CCDC3: variants seen among roughly 807,000 people sequenced by gnomAD.
CCDC3 encodes the protein coiled-coil domain containing 3.
CCDC3 carries 24 observed loss-of-function variants against 21.4 expected under a neutral mutation model. The observed-to-expected ratio is 1.12, with a 90% CI of 0.81 to 1.58. The LOEUF (loss-of-function observed/expected upper bound fraction) is 1.58, where lower values mean the gene tolerates loss of function less well. Ranked by LOEUF, CCDC3 falls within the 40% of genes most tolerant of loss-of-function variation. The pLI, the probability that CCDC3 is intolerant of heterozygous loss-of-function variation, is 0.00. For missense variants in CCDC3, 425 were observed against 360.9 expected, an observed-to-expected ratio of 1.18 and a Z score of -1.44; for synonymous variants, 186 against 166.0, an observed-to-expected ratio of 1.12 and a Z score of -0.93.
chr10:13,030,366 G>A (rs765462136), intron 5 of CCDC3, among the ~76,000 whole-genome samples: 2 of 152,068 alleles, frequency 1.3e-5, no homozygotes, highest in South Asian at 2.1e-4. Context: ...AGGAACAACC[G>A]GTACCACCCA....
chr10:12,957,487 T>C (rs1337734381), intron 2 of CCDC3, among the ~76,000 whole-genome samples: 2 of 152,238 alleles, frequency 1.3e-5, no homozygotes, highest in East Asian at 1.9e-4. Context: ...ACGACATAGT[T>C]TGGATCTGTG....
chr10:13,038,387 A>G (rs1836406826), intron 5 of CCDC3, among the ~76,000 whole-genome samples: 1 of 151,826 alleles, frequency 6.6e-6, no homozygotes, highest in African/African-American at 2.4e-5. Context: ...AAAAAAAAAA[A>G]AAAAAGAAAG....
At chr10:13,079,825 G>A (rs949156984) in intron 3 of CCDC3, among the ~76,000 whole-genome samples, 6 of 151,986 alleles carry the variant, frequency 3.9e-5, no homozygotes, top group African/African-American at 1.4e-4. Flanking sequence ...GTGGGTGGCT[G>A]GCAGAGGCAG....
chr10:12,931,552 A>G (rs566400785), intron 2 of CCDC3, among the ~76,000 whole-genome samples: 1 of 152,324 alleles, frequency 6.6e-6, no homozygotes, highest in East Asian at 1.9e-4. Context: ...TTGTAGAAGC[A>G]TTTGGTTTTT....
At chr10:12,929,963 TTC>T (rs1481997316) in intron 2 of CCDC3, among the ~76,000 whole-genome samples, 2 of 152,162 alleles carry the variant, frequency 1.3e-5, no homozygotes, top group African/African-American at 4.8e-5. Flanking sequence ...AGAAAAAAAT[TTC>T]TGTTTTTGAT....
At chr10:12,934,352 G>C (rs1834700972) in intron 2 of CCDC3, among the ~76,000 whole-genome samples, 1 of 152,056 alleles carries the variant, frequency 6.6e-6, no homozygotes, top group South Asian at 2.1e-4. Context: ...TTTAAGGTAT[G>C]TTTTATGACC....
intron 2 of CCDC3, among the ~76,000 whole-genome samples, chr10:12,936,125 T>G (rs1489626319): frequency 6.6e-6 from 1 of 152,192 alleles, no homozygotes; most frequent in Non-Finnish European, 1.5e-5. Flanking sequence ...TCTGAACAAC[T>G]TCTTTAAACA....
intron 2 of CCDC3, among the ~76,000 whole-genome samples, chr10:12,914,753 TGTC>T (rs1834324521): frequency 6.6e-6 from 1 of 152,204 alleles, no homozygotes; most frequent in South Asian, 2.1e-4. Context: ...TGGCCTGAGT[TGTC>T]TTTTTTTACT....
At chr10:12,936,427 T>A (rs959633038) in intron 2 of CCDC3, among the ~76,000 whole-genome samples, 4 of 152,050 alleles carry the variant, frequency 2.6e-5, no homozygotes, top group Non-Finnish European at 5.9e-5. Context: ...GGTGTGATCA[T>A]GGCTCACTGC....
At chr10:13,080,243 G>T (rs1041946408) in intron 3 of CCDC3, among the ~76,000 whole-genome samples, 14 of 152,162 alleles carry the variant, frequency 9.2e-5, no homozygotes, top group African/African-American at 3.4e-4. Flanking sequence ...GAGATAGAGG[G>T]AGAGAATAAG....
intron 3 of CCDC3, among the ~76,000 whole-genome samples, chr10:13,092,136 C>G (rs1286313214): frequency 6.6e-6 from 1 of 152,156 alleles, no homozygotes; most frequent in Non-Finnish European, 1.5e-5. Context: ...TTGAGCCAAC[C>G]AAGCCAGAAT....
At chr10:13,081,969 C>T (rs1277705267) in intron 3 of CCDC3, among the ~76,000 whole-genome samples, 2 of 152,228 alleles carry the variant, frequency 1.3e-5, no homozygotes, top group Non-Finnish European at 2.9e-5. Context: ...GCCAAACTCT[C>T]TCTGCTATTT....
chr10:12,906,308 C>T lies in CCDC3; in HGVS notation c.550-7629G>A, dbSNP rs144462859. Among the ~76,000 whole-genome samples the T allele has an allele frequency of 5.3e-3, 802 of 152,312 alleles. 22 individuals carry two copies. Among genetic ancestry groups the T allele is most frequent in the Non-Finnish European group, 1.2e-3 (79 of 68,032 alleles). ...ACCCAAAGTCAAAAGAGCTGCTTCC[C>T]TGGTGCCAGGAGCCCAAACAAAGGG... is the stretch of plus-strand genomic sequence containing the variant. On this transcript the variant is annotated intron_variant, in intron 2 of 2. Coordinates refer to ENST00000378825, the MANE Select transcript of CCDC3 (RefSeq NM_031455.4).
At chr10:12,956,197 C>T (rs957711126) in intron 2 of CCDC3, among the ~76,000 whole-genome samples, 1 of 152,198 alleles carries the variant, frequency 6.6e-6, no homozygotes, top group Non-Finnish European at 1.5e-5. Context: ...CTTGCCAAAC[C>T]ACCAACCCTA....
At chr10:13,001,967 C>T (rs752505652), upstream of CCDC3, among the ~76,000 whole-genome samples, 4 of 152,196 alleles carry the variant, frequency 2.6e-5, no homozygotes, top group African/African-American at 4.8e-5. Context: ...GCTTGCCAGG[C>T]GTAAAGCCTG....
At chr10:13,027,428 GAA>G (rs1022239863) in intron 5 of CCDC3, among the ~76,000 whole-genome samples, 1 of 152,090 alleles carries the variant, frequency 6.6e-6, no homozygotes, top group African/African-American at 2.4e-5. Flanking sequence ...ATAATAATAT[GAA>G]GTCTTCCCCT....
At chr10:13,058,197 CA>C in intron 4 of CCDC3, 50 of 1,210,358 alleles carry the variant, frequency 4.1e-5, no homozygotes, top group East Asian at 7.0e-5. Context: ...TTCAGGGTGC[CA>C]AAAACTTGAT....
chr10:13,072,907 C>T (rs11258173), intron 4 of CCDC3, among the ~76,000 whole-genome samples: 44,068 of 144,426 alleles, frequency 0.31, 6,826 homozygotes, highest in Admixed American at 0.34. Context: ...CACTCTGTCA[C>T]CCAGGCTAGA....
At chr10:13,054,160 A>G (rs12357711) in intron 4 of CCDC3, among the ~76,000 whole-genome samples, 5 of 148,346 alleles carry the variant, frequency 3.4e-5, no homozygotes, top group South Asian at 2.1e-4. Context: ...GTATCAAAAA[A>G]AAAAAAAAAA....
Sources: gnomAD v4.1 joint callset for allele counts (sites outside exome capture counted in the v4.1 genomes callset) on GRCh38, gnomAD v4.1.1 for gene constraint, MANE v1.5 for transcripts, NCBI Gene and HGNC (gene_info 2026-07-23, HGNC 2026-07-21) for gene names.